The following EYA1 variants were observed in gnomAD, a reference collection of about 807,000 sequenced individuals.
The protein encoded by EYA1 is protein phosphatase EYA1.
A neutral mutation model predicts 82.0 loss-of-function variants in EYA1; 16 were observed. That is an observed-to-expected ratio of 0.20 (90% CI 0.13 to 0.30). The LOEUF (loss-of-function observed/expected upper bound fraction) is 0.30, where lower values mean the gene tolerates loss of function less well. Among genes scored for constraint, EYA1 ranks in the 10% least tolerant of loss-of-function variants. EYA1 has a pLI of 1.00. For synonymous variants in EYA1, 261 were observed against 264.4 expected (o/e 0.99, Z 0.12); for missense variants, 633 against 730.7 (o/e 0.87, Z 1.54).
intron 9 of EYA1, among the ~76,000 whole-genome samples, chr8:71,276,044 G>C (rs983150872): frequency 3.9e-5 from 6 of 152,042 alleles, no homozygotes; most frequent in African/African-American, 1.5e-4. Context: ...TGCTGATCTG[G>C]GACAAGATAC....
chr8:71,372,515 A>G (rs996129755), intron 2 of EYA1, among the ~76,000 whole-genome samples: 6 of 152,262 alleles, frequency 3.9e-5, no homozygotes, highest in African/African-American at 1.2e-4. Context: ...CAAACTAGAC[A>G]ATCCAAATAG....
At chr8:71,323,641 T>C (rs150736451) in intron 4 of EYA1, among the ~76,000 whole-genome samples, 28 of 152,296 alleles carry the variant, frequency 1.8e-4, no homozygotes, top group African/African-American at 6.0e-4. Context: ...ACAGCATCTG[T>C]ACTGAAGAGA....
chr8:71,342,923 G>C (rs1198916857), intron 3 of EYA1, among the ~76,000 whole-genome samples: 1 of 152,158 alleles, frequency 6.6e-6, no homozygotes, highest in Non-Finnish European at 1.5e-5. Context: ...TCACAAAATA[G>C]AGAGATAAAT....
At chr8:71,294,408 C>G (rs1054986764) in intron 9 of EYA1, among the ~76,000 whole-genome samples, 1 of 151,912 alleles carries the variant, frequency 6.6e-6, no homozygotes, top group Non-Finnish European at 1.5e-5. Context: ...TGCAGTGAGC[C>G]GAGATAGCGC....
chr8:71,461,704 C>T (rs753674460), intron 2 of EYA1, among the ~76,000 whole-genome samples: 19 of 152,060 alleles, frequency 1.2e-4, no homozygotes, highest in African/African-American at 2.4e-4. Context: ...GAATGAGGTA[C>T]GCAGACAAGT....
chr8:71,294,518 A>T (rs1819389161), intron 9 of EYA1, among the ~76,000 whole-genome samples: 1 of 152,190 alleles, frequency 6.6e-6, no homozygotes, highest in Non-Finnish European at 1.5e-5. Context: ...AGGGAAAGAG[A>T]GAGAGAGAAA....
In EYA1 at chr8:71,414,294, G is replaced by A. The variant is rs112328232; in HGVS notation, c.34-57783C>T. Among the ~76,000 whole-genome samples the A allele has an allele frequency of 2.5e-3, 378 of 152,272 alleles. 3 individuals carry two copies. Among genetic ancestry groups the A allele is most frequent in the African/African-American group, 8.5e-3 (352 of 41,562 alleles). On this transcript the variant is annotated intron_variant, in intron 2 of 18. Transcript: ENST00000643681. ...TCTCCCAGTGGCTCTCCAAGCAGCT[G>A]GAGGAATACGTGTTTCATTCCTGAA...
chr8:71,375,001 CAG>C (rs1828289983), intron 2 of EYA1, among the ~76,000 whole-genome samples: 1 of 151,956 alleles, frequency 6.6e-6, no homozygotes, highest in East Asian at 1.9e-4. Flanking sequence ...GGGGAGGAAA[CAG>C]GGAGATGTAG....
intron 2 of EYA1, among the ~76,000 whole-genome samples, chr8:71,418,933 G>A (rs1831001445): frequency 6.6e-6 from 1 of 152,142 alleles, no homozygotes; most frequent in Admixed American, 6.6e-5. Flanking sequence ...CTGGGGGAGA[G>A]CACCTGAGAA....
chr8:71,415,730 A>C (rs1327141939), intron 2 of EYA1, among the ~76,000 whole-genome samples: 1 of 152,204 alleles, frequency 6.6e-6, no homozygotes, highest in East Asian at 1.9e-4. Flanking sequence ...CTTGGCCCCA[A>C]AGAGGCATCA....
chr8:71,221,883 G>A (rs913898385), intron 12 of EYA1, among the ~76,000 whole-genome samples: 15 of 152,142 alleles, frequency 9.9e-5, no homozygotes, highest in African/African-American at 1.4e-4. Context: ...ATAGACATGC[G>A]TGCAGCTTCC....
intron 2 of EYA1, chr8:71,531,291 G>C (rs1412220275): frequency 2.6e-5 from 4 of 152,168 alleles, no homozygotes; most frequent in Non-Finnish European, 5.9e-5. Flanking sequence ...AATCAGAGAA[G>C]GCAAATATTA....
intron 2 of EYA1, among the ~76,000 whole-genome samples, chr8:71,476,189 A>G (rs1469176648): frequency 6.6e-6 from 1 of 152,156 alleles, no homozygotes; most frequent in Non-Finnish European, 1.5e-5. Flanking sequence ...AAAATAATCT[A>G]TGGTCTCAAT....
chr8:71,499,092 G>C (rs971083049), intron 2 of EYA1, among the ~76,000 whole-genome samples: 14 of 152,174 alleles, frequency 9.2e-5, no homozygotes, highest in African/African-American at 3.1e-4. Flanking sequence ...TGTCTGGGGG[G>C]TGTGGAGCTG....
chr8:71,215,631 G>A lies in EYA1; in HGVS notation c.1458C>T (p.Leu486=). 1.2e-6 allele frequency: 2 copies of A among 1,614,086 alleles called. No individual in the cohort carries two copies. Among genetic ancestry groups the A allele is most frequent in the Non-Finnish European group, 1.7e-6 (2 of 1,179,944 alleles). The stretch of plus-strand genomic sequence containing the variant: ...AGCCTCACCGGGAGTGAATGAGCGA[G>A]AGTGCTTTCAGGGCCAGTGTCAACC... ...DSWLTLALKA[L]SLIHSRTNCV... is the part of the protein sequence containing the mutation. The change falls in exon 15 of 18, where the codon CTC becomes CTT. Residue 486 remains leucine, a synonymous_variant. Coordinates refer to ENST00000340726, the MANE Select transcript of EYA1 (RefSeq NM_000503.6).
intron 3 of EYA1, among the ~76,000 whole-genome samples, chr8:71,354,482 A>G (rs1465819647): frequency 6.6e-6 from 1 of 152,326 alleles, no homozygotes; most frequent in Non-Finnish European, 1.5e-5. Context: ...TACATGATCA[A>G]TAAGAAGATA....
chr8:71,463,417 A>G (rs994881681), intron 2 of EYA1, among the ~76,000 whole-genome samples: 1 of 152,208 alleles, frequency 6.6e-6, no homozygotes, highest in African/African-American at 2.4e-5. Context: ...TAACTAGACA[A>G]CCACCCCAGT....
At chr8:71,276,273 G>C (rs1406953993) in intron 9 of EYA1, among the ~76,000 whole-genome samples, 2 of 152,216 alleles carry the variant, frequency 1.3e-5, no homozygotes, top group Admixed American at 6.5e-5. Context: ...TTGAGCAGCA[G>C]TGCACTGGAG....
chr8:71,533,769 G>A (rs1457021843), intron 2 of EYA1, among the ~76,000 whole-genome samples: 2 of 152,186 alleles, frequency 1.3e-5, no homozygotes, highest in Non-Finnish European at 2.9e-5. Context: ...CCTCCTGGCT[G>A]AGCAGTCAGC....
Sources: gnomAD v4.1 joint callset for allele counts (sites outside exome capture counted in the v4.1 genomes callset) on GRCh38, gnomAD v4.1.1 for gene constraint, MANE v1.5 for transcripts, NCBI Gene and HGNC (gene_info 2026-07-23, HGNC 2026-07-21) for gene names.